Variants in LRRC4B observed in about 807,000 individuals in gnomAD.
LRRC4B encodes leucine-rich repeat-containing protein 4B.
In LRRC4B, 1 loss-of-function variant was observed where a neutral mutation model predicts 7.3. The observed-to-expected ratio is 0.14, with a 90% CI of 0.05 to 0.65. The LOEUF (loss-of-function observed/expected upper bound fraction) is 0.65, where lower values mean the gene tolerates loss of function less well. Among genes scored for constraint, LRRC4B ranks in the 30% least tolerant of loss-of-function variants. The pLI is 0.84. For synonymous variants in LRRC4B, 500 were observed against 499.2 expected, an observed-to-expected ratio of 1.00 and a Z score of -0.02; for missense variants, 730 against 1,041.6, an observed-to-expected ratio of 0.70 and a Z score of 4.12.
intron 2 of LRRC4B, among the ~76,000 whole-genome samples, chr19:50,531,306 C>T (rs1212876534): frequency 6.6e-6 from 1 of 152,226 alleles, no homozygotes; most frequent in Non-Finnish European, 1.5e-5. Context: ...TCCCGGGGAG[C>T]GTGCACCTGG....
intron 1 of LRRC4B, among the ~76,000 whole-genome samples, chr19:50,552,477 A>C (rs1335058920): frequency 6.6e-6 from 1 of 152,034 alleles, no homozygotes. Flanking sequence ...AGATCCTGAC[A>C]TCCACCTCCT....
chr19:50,551,358 C>A (rs1046856979), intron 1 of LRRC4B, among the ~76,000 whole-genome samples: 3 of 151,464 alleles, frequency 2.0e-5, no homozygotes, highest in Non-Finnish European at 3.0e-5. Context: ...CCCCCACTGG[C>A]CTGTCGCCCT....
At chr19:50,550,725 G>T (rs1982019273) in intron 1 of LRRC4B, among the ~76,000 whole-genome samples, 1 of 152,174 alleles carries the variant, frequency 6.6e-6, no homozygotes, top group African/African-American at 2.4e-5. Context: ...AAGAGAGAGA[G>T]GTTGATTCTG....
At chr19:50,559,870 A>T (rs1982408346) in intron 1 of LRRC4B, among the ~76,000 whole-genome samples, 1 of 152,240 alleles carries the variant, frequency 6.6e-6, no homozygotes, top group Non-Finnish European at 1.5e-5. Flanking sequence ...GCAGTGGCTC[A>T]CGCCTGTAAT....
At chr19:50,567,214 G>A (rs1438885343) in intron 1 of LRRC4B, among the ~76,000 whole-genome samples, 1 of 151,514 alleles carries the variant, frequency 6.6e-6, no homozygotes, top group Admixed American at 6.6e-5. Context: ...GGAGAGACAC[G>A]TGCCCAAGGA....
In LRRC4B at chr19:50,518,129, C is replaced by T. The variant is rs769009111; in HGVS notation, c.1584G>A (p.Gly528=). ...TDGVWGGGRP[G]DAAGPASSST... ...AAGACGAGGCAGGGCCGGCCGCGTC[C>T]CCAGGCCGGCCCCCACCCCAGACAC... Residue 528 remains glycine, a synonymous_variant, in exon 3 of 3, where the codon GGG becomes GGA. Transcript: ENST00000652263. 49 of 1,594,286 alleles carry T rather than the reference C, an allele frequency of 3.1e-5. No individual in the cohort carries two copies. Among genetic ancestry groups the T allele is most frequent in the Non-Finnish European group, 4.2e-5 (49 of 1,174,484 alleles).
rs1274070282 is a variant in LRRC4B at position 50,555,590 on chromosome 19, G to C, written c.-35-6717C>G. The C allele has an allele frequency of 6.6e-6, 1 of 152,556 alleles. No individual in the cohort carries two copies. The highest frequency in any genetic ancestry group is 2.1e-4 in the South Asian group (1 of 4,846). 9.5% of individuals were successfully genotyped at this position (152,556 alleles called of 1,614,324 possible). A position where few individuals can be genotyped will look rare whatever the true frequency, so the allele number is the denominator to read the frequency against. On this transcript the variant is annotated intron_variant, in intron 1 of 2. Transcript: ENST00000652263. This position sits in a 1 kb window ranked among gnomAD's most constrained non-coding sequence, Gnocchi z 5.2. ...AGAGGCTGGGAGGGCCCGGGCACTC[G>C]AGGCGTGAAGCTGAGTCCTCACCGG...
At chr19:50,540,385 CAG>C (rs751643598) in intron 2 of LRRC4B, among the ~76,000 whole-genome samples, 7 of 152,102 alleles carry the variant, frequency 4.6e-5, no homozygotes, top group Non-Finnish European at 7.4e-5. Context: ...TTTTTTGAGA[CAG>C]AGTCTTGCTC....
Position 50,550,461 on chromosome 19 carries a change from ACC to A in LRRC4B, c.-35-1590_-35-1589del, listed in dbSNP as rs1982006602. Reference sequence around the variant, plus strand: ...CACCCTCTCACGGTGGACTCTCAGGACCCCCCTCTCACGGTGGACTCTCAGGA... The same window carrying A: ...CACCCTCTCACGGTGGACTCTCAGGACCCCTCTCACGGTGGACTCTCAGGA... On this transcript the variant is annotated intron_variant, in intron 1 of 2. Coordinates refer to ENST00000652263, the MANE Select transcript of LRRC4B (RefSeq NM_001080457.2). Among the ~76,000 whole-genome samples the A allele has an allele frequency of 7.0e-5, 5 of 71,092 alleles. No homozygotes were observed. The South Asian group carries it at 1.6e-3, about 23-fold the overall frequency. 46.6% of individuals were successfully genotyped at this position (71,092 alleles called of 152,430 possible). A position where few individuals can be genotyped will look rare whatever the true frequency, so the allele number is the denominator to read the frequency against.
rs944104191 is a variant in LRRC4B, at chr19:50,563,633, G to A, written c.-36+4311C>T. On this transcript the variant is annotated intron_variant, in intron 1 of 2. Transcript: ENST00000652263. The surrounding 1 kb of genome is among the most constrained non-coding windows in gnomAD (Gnocchi z 4.9). Reference sequence around the variant, plus strand: ...CCAAATGTGCAGCCTGGTGTACAGAGAAGCCCACCCCCTGCCTACGGGCTG... The same window carrying A: ...CCAAATGTGCAGCCTGGTGTACAGAAAAGCCCACCCCCTGCCTACGGGCTG... Among the ~76,000 whole-genome samples the A allele has an allele frequency of 6.6e-6, 1 of 152,252 alleles. No individual in the cohort carries two copies. Among genetic ancestry groups the A allele is most frequent in the East Asian group, 1.9e-4 (1 of 5,172 alleles).
chr19:50,517,886 G>A lies in LRRC4B; in HGVS notation c.1827C>T (p.His609=), dbSNP rs371457674. The change falls in exon 3 of 3, where the codon CAC becomes CAT. Residue 609 remains histidine (H), a synonymous_variant. Transcript: ENST00000652263. This position sits in a 1 kb window ranked among gnomAD's most constrained non-coding sequence, Gnocchi z 6.6. ...LRKQHQLHKH[H]GPTRTVEIIN... ...TGATCTCCACGGTGCGCGTGGGCCC[G>A]TGGTGCTTGTGGAGCTGGTGCTGCT... 2 of 1,594,510 alleles carry A rather than the reference G, an allele frequency of 1.3e-6. No homozygotes were observed. The highest frequency in any genetic ancestry group is 1.7e-6 in the Non-Finnish European group (2 of 1,173,574).
chr19:50,540,548 GT>G (rs1450546073), intron 2 of LRRC4B, among the ~76,000 whole-genome samples: 2 of 151,876 alleles, frequency 1.3e-5, no homozygotes, highest in Non-Finnish European at 2.9e-5. Context: ...GTAGAGACAG[GT>G]TTTGCCGTGT....
At position 50,548,877 on chromosome 19, in the gene LRRC4B, T is replaced by A; in HGVS notation, c.-35-4A>T. On this transcript the variant is annotated splice_region_variant and splice_polypyrimidine_tract_variant and intron_variant, in intron 1 of 2. Transcript: ENST00000652263. This position sits in a 1 kb window ranked among gnomAD's most constrained non-coding sequence, Gnocchi z 6.8. ...GCTCCGCGTGGACGCTGGGGGGCTG[T>A]GGGTGGGGGAGAGAAGGGGGAGAGG... 2.1e-6 allele frequency: 1 copy of A among 485,080 alleles called. No homozygotes were observed. Among genetic ancestry groups the A allele is most frequent in the Non-Finnish European group, 2.7e-6 (1 of 375,668 alleles). The allele number at this position is 485,080 out of a possible 1,614,324, so 30.0% of individuals were successfully genotyped here.
rs141286051 is a variant in LRRC4B, at chr19:50,556,883, C to G, written c.-35-8010G>C. Among the ~76,000 whole-genome samples the G allele has an allele frequency of 2.6e-5, 4 of 151,384 alleles. No homozygotes were observed. The highest frequency in any genetic ancestry group is 4.4e-5 in the Non-Finnish European group (3 of 67,914). The stretch of plus-strand genomic sequence containing the variant: ...GGCGGGCACAGGGTGGGCCCCGGAA[C>G]GTCCAGGAGGGAAGCCGGGAGGAGG... On this transcript the variant is annotated intron_variant, in intron 1 of 2. Transcript: ENST00000652263. This position sits in a 1 kb window ranked among gnomAD's most constrained non-coding sequence, Gnocchi z 4.2.
In LRRC4B at chr19:50,556,783, C is replaced by G. The variant is rs529742185; in HGVS notation, c.-35-7910G>C. Reference sequence around the variant, plus strand: ...CCTACCGGCAGTTCCTCTGCTGGCACCCGAGGCAAGGAGCCCTGGGTCTCT... The same window carrying G: ...CCTACCGGCAGTTCCTCTGCTGGCAGCCGAGGCAAGGAGCCCTGGGTCTCT... On this transcript the variant is annotated intron_variant, in intron 1 of 2. Transcript: ENST00000652263. The surrounding 1 kb of genome is among the most constrained non-coding windows in gnomAD (Gnocchi z 4.2). 1.6e-3 allele frequency among the ~76,000 whole-genome samples: 246 copies of G among 152,284 alleles called. 2 individuals are homozygous for G. The highest frequency in any genetic ancestry group is 5.5e-3 in the African/African-American group (230 of 41,542).
chr19:50,561,736 C>T (rs1982469859), intron 1 of LRRC4B, among the ~76,000 whole-genome samples: 2 of 151,838 alleles, frequency 1.3e-5, no homozygotes, highest in African/African-American at 2.4e-5. Context: ...CCCTGTTCTC[C>T]CCCAACTCCA....
In LRRC4B at chr19:50,568,193, T is replaced by G. The variant is rs977722588; in HGVS notation, c.-285A>C. On this transcript the variant is annotated 5_prime_UTR_variant, in exon 1 of 3. Transcript: ENST00000652263. ...CTCCTCGCCTCGCGCCCGCCTGCCG[T>G]CCGGCCCCGCGCCCTCGCCCGCCGC... 4 of 153,234 alleles carry G rather than the reference T, an allele frequency of 2.6e-5. No homozygotes were observed. The highest frequency in any genetic ancestry group is 9.7e-5 in the African/African-American group (4 of 41,258). The allele number at this position is 153,234 out of a possible 1,614,324, so 9.5% of individuals were successfully genotyped here. A position where few individuals can be genotyped will look rare whatever the true frequency, so the allele number is the denominator to read the frequency against.
In LRRC4B at chr19:50,519,951, T is replaced by C. The variant is rs755227517; in HGVS notation, c.298-536A>G. Among the ~76,000 whole-genome samples, 6 of 151,736 alleles carry C rather than the reference T, an allele frequency of 4.0e-5. No homozygotes were observed. Among genetic ancestry groups the C allele is most frequent in the Non-Finnish European group, 7.4e-5 (5 of 67,966 alleles). Reference sequence around the variant, plus strand: ...GGCTCATGCCTGTAATCCCAGCACTTTGGGAGGCTGAGGTGGGCAGATCAC... The same window carrying C: ...GGCTCATGCCTGTAATCCCAGCACTCTGGGAGGCTGAGGTGGGCAGATCAC... On this transcript the variant is annotated intron_variant, in intron 2 of 2. Coordinates refer to ENST00000652263, the MANE Select transcript of LRRC4B (RefSeq NM_001080457.2). The surrounding 1 kb of genome is among the most constrained non-coding windows in gnomAD (Gnocchi z 8.1).
chr19:50,518,642 C>A lies in LRRC4B; in HGVS notation c.1071G>T (p.Ser357=), dbSNP rs772660478. ...TGACGGGCGCATAGCAGGTGAAATG[C>A]GACTGGTCCAGCTCCCCAATGTAGC... ...KGRYIGELDQ[S]HFTCYAPVIV... The change falls in exon 3 of 3, where the codon TCG becomes TCT. Residue 357 remains serine (S), a synonymous_variant. Coordinates refer to ENST00000652263, the MANE Select transcript of LRRC4B (RefSeq NM_001080457.2). The A allele has an allele frequency of 6.2e-7, 1 of 1,611,048 alleles. No individual in the cohort carries two copies. The highest frequency in any genetic ancestry group is 8.5e-7 in the Non-Finnish European group (1 of 1,178,074).
Sources: gnomAD v4.1 joint callset for allele counts (sites outside exome capture counted in the v4.1 genomes callset) on GRCh38, gnomAD v4.1.1 for gene constraint, Gnocchi (gnomAD v3.1) non-coding constraint, MANE v1.5 for transcripts, NCBI Gene and HGNC (gene_info 2026-07-23, HGNC 2026-07-21) for gene names.